The following GABRA5 variants were observed in gnomAD, a reference collection of about 807,000 sequenced individuals.
GABRA5 encodes gamma-aminobutyric acid receptor subunit alpha-5.
Under a neutral mutation model 47.3 loss-of-function variants are expected in GABRA5, and 18 were observed. The ratio of observed to expected loss-of-function variants is 0.38; its 90% CI spans 0.26 to 0.56. The LOEUF (loss-of-function observed/expected upper bound fraction) is 0.56. GABRA5 is among the 20% of genes least tolerant of loss of function. The pLI is 0.71. For synonymous variants in GABRA5, 237 were observed against 229.3 expected (o/e 1.03, Z -0.30); for missense variants, 365 against 599.3 (o/e 0.61, Z 4.08).
At chr15:26,874,811 A>G (rs1892553249) in intron 3 of GABRA5, among the ~76,000 whole-genome samples, 2 of 152,256 alleles carry the variant, frequency 1.3e-5, no homozygotes, top group African/African-American at 4.8e-5. Flanking sequence ...TGAATGAAGC[A>G]CAGAACCAGT....
intron 3 of GABRA5, among the ~76,000 whole-genome samples, chr15:26,870,046 A>G (rs1336254659): frequency 6.6e-6 from 1 of 152,200 alleles, no homozygotes; most frequent in East Asian, 1.9e-4. Flanking sequence ...GTGCCCTAGA[A>G]TTGTTCTGGT....
At chr15:26,941,450 T>C (rs1010105585) in intron 9 of GABRA5, among the ~76,000 whole-genome samples, 4 of 151,932 alleles carry the variant, frequency 2.6e-5, no homozygotes, top group Non-Finnish European at 5.9e-5. Context: ...AAAAAAAAAA[T>C]CAAAGATTTC....
At chr15:26,891,597 GT>G (rs1893007536) in intron 6 of GABRA5, among the ~76,000 whole-genome samples, 1 of 152,172 alleles carries the variant, frequency 6.6e-6, no homozygotes, top group Non-Finnish European at 1.5e-5. Flanking sequence ...CTAGAGCTTG[GT>G]TAAAGCCCCG....
At chr15:26,932,157 G>T (rs536526073) in intron 7 of GABRA5, among the ~76,000 whole-genome samples, 33 of 152,288 alleles carry the variant, frequency 2.2e-4, no homozygotes, top group Middle Eastern at 6.8e-3. Context: ...CACAGCAAAA[G>T]ACACTATCAT....
At chr15:26,927,120 T>C (rs534410263) in intron 7 of GABRA5, among the ~76,000 whole-genome samples, 1 of 152,250 alleles carries the variant, frequency 6.6e-6, no homozygotes, top group Admixed American at 6.5e-5. Context: ...TTTTTCTTTT[T>C]TGAGACAGAG....
intron 7 of GABRA5, among the ~76,000 whole-genome samples, chr15:26,916,999 A>G (rs1169880766): frequency 6.6e-6 from 1 of 152,128 alleles, no homozygotes; most frequent in African/African-American, 2.4e-5. Flanking sequence ...TGTATGTAAG[A>G]TGATGTCATC....
chr15:26,894,229 C>T (rs144130543), intron 6 of GABRA5, among the ~76,000 whole-genome samples: 7,569 of 152,244 alleles, frequency 0.05, 213 homozygotes, highest in African/African-American at 0.076. Context: ...GATGCGTATT[C>T]CCGCGAATCC....
At chr15:26,891,512 T>C (rs1053400556) in intron 6 of GABRA5, among the ~76,000 whole-genome samples, 2 of 152,144 alleles carry the variant, frequency 1.3e-5, no homozygotes, top group Non-Finnish European at 2.9e-5. Flanking sequence ...TATTCAGCCA[T>C]GGGGACTGAA....
chr15:26,936,244 G>A (rs1894240597), intron 7 of GABRA5, among the ~76,000 whole-genome samples: 1 of 152,132 alleles, frequency 6.6e-6, no homozygotes, highest in South Asian at 2.1e-4. Flanking sequence ...CTAGTCTTGG[G>A]TATTTCTTCA....
chr15:26,944,793 C>T (rs1467923043), intron 10 of GABRA5, among the ~76,000 whole-genome samples: 1 of 152,102 alleles, frequency 6.6e-6, no homozygotes, highest in Non-Finnish European at 1.5e-5. Context: ...ATAGATGGTG[C>T]ATGATGGATA....
In GABRA5 at chr15:26,948,275, G is replaced by A. The variant is rs373271711; in HGVS notation, c.*42G>A. ...ACTCCAAGACAGCCATACTTCCAGC[G>A]AAATGGTACCAAGGAGAGGTCTTGC... is the stretch of plus-strand genomic sequence containing the variant. On this transcript the variant is annotated 3_prime_UTR_variant, in exon 11 of 11. Transcript: ENST00000335625. 8 of 1,582,940 alleles carry A rather than the reference G, an allele frequency of 5.1e-6. No homozygotes were observed. The highest frequency in any genetic ancestry group is 4.1e-5 in the African/African-American group (3 of 74,022).
intron 6 of GABRA5, among the ~76,000 whole-genome samples, chr15:26,894,121 C>T (rs1226583554): frequency 1.3e-5 from 2 of 152,120 alleles, no homozygotes; most frequent in Non-Finnish European, 2.9e-5. Flanking sequence ...GCGGCCCGGG[C>T]AGAAGCCCTG....
chr15:26,927,483 T>G (rs1254193377), intron 7 of GABRA5, among the ~76,000 whole-genome samples: 1 of 152,186 alleles, frequency 6.6e-6, no homozygotes, highest in African/African-American at 2.4e-5. Context: ...ACTGTTAATA[T>G]TATTACTATG....
intron 3 of GABRA5, among the ~76,000 whole-genome samples, chr15:26,870,352 G>A (rs569460977): frequency 5.3e-5 from 8 of 152,318 alleles, no homozygotes; most frequent in East Asian, 1.9e-4. Context: ...GTGGGTGTGG[G>A]GGCCTTGCTC....
intron 6 of GABRA5, among the ~76,000 whole-genome samples, chr15:26,890,436 T>TTTTTTTTTC (rs1331911724): frequency 1.0e-4 from 15 of 150,656 alleles, no homozygotes; most frequent in African/African-American, 3.7e-4. Flanking sequence ...ATTTTTTTTT[T>TTTTTTTTTC]TTTTTTTTGC....
At chr15:26,893,700 C>T (rs1893099545) in intron 6 of GABRA5, among the ~76,000 whole-genome samples, 2 of 151,938 alleles carry the variant, frequency 1.3e-5, no homozygotes, top group Admixed American at 6.5e-5. Flanking sequence ...ACAGGAGGAT[C>T]TGGGGGCACA....
intron 6 of GABRA5, among the ~76,000 whole-genome samples, chr15:26,889,842 A>C (rs1892963143): frequency 1.3e-5 from 2 of 152,230 alleles, no homozygotes; most frequent in South Asian, 4.1e-4. Context: ...CAATGTTAAT[A>C]TTTTAGTGTG....
chr15:26,896,671 G>A (rs1281056006), intron 6 of GABRA5, among the ~76,000 whole-genome samples: 1 of 152,062 alleles, frequency 6.6e-6, no homozygotes, highest in African/African-American at 2.4e-5. Context: ...ACAATGAGAA[G>A]TGCTAGTGTG....
chr15:26,921,896 AT>A (rs1315993239), intron 7 of GABRA5, among the ~76,000 whole-genome samples: 1 of 151,892 alleles, frequency 6.6e-6, no homozygotes, highest in Admixed American at 6.6e-5. Flanking sequence ...CTGTTTGTAG[AT>A]TTTTCTGTTA....
Sources: allele counts gnomAD v4.1 joint callset (sites outside exome capture counted in the v4.1 genomes callset), GRCh38; gene constraint gnomAD v4.1.1; transcripts MANE v1.5; gene names NCBI Gene and HGNC (gene_info 2026-07-23, HGNC 2026-07-21).